The following CFAP54 variants were observed in gnomAD, a reference collection of about 807,000 sequenced individuals.
The protein encoded by CFAP54 is cilia and flagella associated protein 54.
Under a neutral mutation model 370.4 loss-of-function variants are expected in CFAP54, and 290 were observed. The ratio of observed to expected loss-of-function variants is 0.78; its 90% CI spans 0.71 to 0.86. CFAP54 has a LOEUF of 0.86. Among genes scored for constraint, CFAP54 ranks in the 40% least tolerant of loss-of-function variants. CFAP54 has a pLI of 0.00. For synonymous variants in CFAP54, 1,206 were observed against 1,236.5 expected, an observed-to-expected ratio of 0.98 and a Z score of 0.52; for missense variants, 3,399 against 3,528.7, an observed-to-expected ratio of 0.96 and a Z score of 0.93.
Position 96,630,658 on chromosome 12 carries a change from A to T in CFAP54, c.4316+7A>T, listed in dbSNP as rs1046646658. On this transcript the variant is annotated splice_region_variant and intron_variant, in intron 32 of 67. Coordinates refer to ENST00000524981, the MANE Select transcript of CFAP54 (RefSeq NM_001306084.2). ...AAATGGTGGCACATGAAAGGTATTC[A>T]CTAATTAATTAATTCAATAAAAGTT... is the stretch of plus-strand genomic sequence containing the variant. The T allele has an allele frequency of 6.9e-7, 1 of 1,443,178 alleles. No homozygotes were observed. Among genetic ancestry groups the T allele is most frequent in the Non-Finnish European group, 9.2e-7 (1 of 1,091,082 alleles). 89.4% of individuals were successfully genotyped at this position (1,443,178 alleles called of 1,614,324 possible).
chr12:96,733,964 A>G (rs2136631229), intron 50 of CFAP54, among the ~76,000 whole-genome samples: 1 of 152,288 alleles, frequency 6.6e-6, no homozygotes, highest in Non-Finnish European at 1.5e-5. Flanking sequence ...TGAGTAAATG[A>G]GGTGCCTCAG....
intron 27 of CFAP54, 79 bp downstream of exon 27, chr12:96,621,800 T>A: frequency 1.9e-6 from 2 of 1,050,570 alleles, no homozygotes; most frequent in Non-Finnish European, 2.4e-6. Context: ...ATTAAACATA[T>A]TAGAAAATTG....
intron 50 of CFAP54, among the ~76,000 whole-genome samples, chr12:96,735,735 G>A (rs958184513): frequency 3.3e-5 from 5 of 152,148 alleles, no homozygotes; most frequent in African/African-American, 9.7e-5. Flanking sequence ...CATCCTATAT[G>A]TAGGGAATAA....
chr12:96,662,665 C>A (rs1957008394), intron 38 of CFAP54, among the ~76,000 whole-genome samples: 1 of 152,078 alleles, frequency 6.6e-6, no homozygotes, highest in Admixed American at 6.6e-5. Context: ...TATAACATAT[C>A]CCCCTGATCT....
At chr12:96,735,421 T>A (rs1292668267) in intron 50 of CFAP54, among the ~76,000 whole-genome samples, 2 of 152,118 alleles carry the variant, frequency 1.3e-5, no homozygotes, top group African/African-American at 4.8e-5. Flanking sequence ...CCTCGGCAGA[T>A]ACCCTAACAC....
Position 96,743,788 on chromosome 12 carries a change from C to A in CFAP54, c.7435C>A (p.Leu2479Met). ...TATTTCTCCTCAATCACGGCTAACC[C>A]TGGCAAGAAGCCTAGTTTTGCTGGA... ...EFISPQSRLTLARSLVLLDDL... is the reference protein window; with the variant it reads ...EFISPQSRLTMARSLVLLDDL... Residue 2479 changes from leucine (L) to methionine (M), a missense_variant, in exon 54 of 68, where the codon CTG (leucine) becomes ATG (methionine). This residue lies in a region of CFAP54 where 2,796 missense variants were observed against 2,869.7 expected (regional missense o/e 0.97). Transcript: ENST00000524981. 3.1e-6 allele frequency: 5 copies of A among 1,613,844 alleles called. No individual in the cohort carries two copies. The highest frequency in any genetic ancestry group is 4.2e-6 in the Non-Finnish European group (5 of 1,179,846).
intron 8 of CFAP54, among the ~76,000 whole-genome samples, chr12:96,523,882 T>G (rs1488650769): frequency 6.6e-6 from 1 of 151,830 alleles, no homozygotes; most frequent in Non-Finnish European, 1.5e-5. Flanking sequence ...TGTATCTGAT[T>G]TCCCTTAAGA....
At chr12:96,706,788 A>G (rs868651085) in intron 47 of CFAP54, among the ~76,000 whole-genome samples, 39 of 138,880 alleles carry the variant, frequency 2.8e-4, no homozygotes, top group South Asian at 1.3e-3. Context: ...TTGTGTGTGT[A>G]TGTGTGTGTG....
chr12:96,745,358 G>C (rs1475019619), intron 55 of CFAP54, among the ~76,000 whole-genome samples: 1 of 151,994 alleles, frequency 6.6e-6, no homozygotes, highest in African/African-American at 2.4e-5. Flanking sequence ...GTTGTTTTTT[G>C]ACTTTTTAAT....
chr12:96,494,052 C>T (rs1383582178), intron 1 of CFAP54, among the ~76,000 whole-genome samples: 3 of 152,146 alleles, frequency 2.0e-5, no homozygotes, highest in African/African-American at 7.2e-5. Flanking sequence ...ATTAGAAGGA[C>T]ACCTGGGATT....
rs1352492225 is a variant in CFAP54, at chr12:96,727,122, T to C, written c.6965+6557T>C. On this transcript the variant is annotated intron_variant, in intron 50 of 67. Transcript: ENST00000524981. ...TATGTGGTCAATTTTGGAATAGGTG[T>C]GGTGTGGTGCTGAAAAAAATGTATA... Among the ~76,000 whole-genome samples, 7 of 152,054 alleles carry C rather than the reference T, an allele frequency of 4.6e-5. No homozygotes were observed. In the East Asian group the frequency reaches 1.4e-3, roughly 30 times the overall value.
At chr12:96,544,198 ATTG>A (rs1955611384) in intron 14 of CFAP54, among the ~76,000 whole-genome samples, 1 of 137,368 alleles carries the variant, frequency 7.3e-6, no homozygotes, top group African/African-American at 2.7e-5. Context: ...ATAAATAATT[ATTG>A]TTGTCCGCAG....
At chr12:96,555,457 G>A (rs2136401915) in intron 17 of CFAP54, among the ~76,000 whole-genome samples, 1 of 151,100 alleles carries the variant, frequency 6.6e-6, no homozygotes, top group South Asian at 2.1e-4. Flanking sequence ...AAAGATATAA[G>A]GATTGGAAAA....
chr12:96,542,739 C>T (rs1451176459), intron 14 of CFAP54, among the ~76,000 whole-genome samples: 2 of 152,152 alleles, frequency 1.3e-5, no homozygotes, highest in African/African-American at 4.8e-5. Flanking sequence ...TTATATCTTA[C>T]AAAATGGGGA....
chr12:96,703,828 T>A (rs562167985), intron 46 of CFAP54, among the ~76,000 whole-genome samples: 2 of 152,336 alleles, frequency 1.3e-5, no homozygotes, highest in East Asian at 3.9e-4. Flanking sequence ...CCAGACTCTT[T>A]CAATTTTCTC....
At chr12:96,734,151 A>G (rs1229223307) in intron 50 of CFAP54, among the ~76,000 whole-genome samples, 1 of 152,196 alleles carries the variant, frequency 6.6e-6, no homozygotes, top group Non-Finnish European at 1.5e-5. Context: ...AACCATTTTA[A>G]TGGCTCAGCA....
Position 96,735,892 on chromosome 12 carries a change from A to T in CFAP54, c.6966-4064A>T, listed in dbSNP as rs137871664. Among the ~76,000 whole-genome samples the T allele has an allele frequency of 3.8e-3, 579 of 152,346 alleles. 5 individuals are homozygous for T. Among genetic ancestry groups the T allele is most frequent in the African/African-American group, 0.013 (546 of 41,594 alleles). ...TCTAAACCAGAATATATATATTTCAAATCAGTGTGGAAAGTAAAAGGGAAA... is the reference window on the plus strand; with the variant it reads ...TCTAAACCAGAATATATATATTTCATATCAGTGTGGAAAGTAAAAGGGAAA... On this transcript the variant is annotated intron_variant, in intron 50 of 67. Transcript: ENST00000524981.
At chr12:96,765,618 G>T (rs1026996525) in intron 60 of CFAP54, among the ~76,000 whole-genome samples, 6 of 152,104 alleles carry the variant, frequency 3.9e-5, no homozygotes, top group African/African-American at 1.4e-4. Context: ...ATATATGTTT[G>T]ATTATGTGTT....
chr12:96,841,323 A>G (rs1053446819), intron 66 of CFAP54, among the ~76,000 whole-genome samples: 4 of 152,164 alleles, frequency 2.6e-5, no homozygotes, highest in African/African-American at 9.7e-5. Context: ...AAATCTGTTC[A>G]TTGCTTTCTA....
Sources: gnomAD v4.1 joint callset for allele counts (sites outside exome capture counted in the v4.1 genomes callset) on GRCh38, gnomAD v4.1.1 for gene constraint, gnomAD v4.1.1 regional missense constraint, MANE v1.5 for transcripts, NCBI Gene and HGNC (gene_info 2026-07-23, HGNC 2026-07-21) for gene names.